NPHP4: variants seen among roughly 807,000 people sequenced by gnomAD.
NPHP4 encodes the protein nephrocystin 4.
A neutral mutation model predicts 155.8 loss-of-function variants in NPHP4; 151 were observed. The ratio of observed to expected loss-of-function variants is 0.97; its 90% CI spans 0.85 to 1.11. NPHP4 has a LOEUF of 1.11. Ranked by LOEUF, NPHP4 falls within the 50% of genes least tolerant of loss-of-function variation. NPHP4 has a pLI of 0.00. For synonymous variants in NPHP4, 845 were observed against 816.8 expected, an observed-to-expected ratio of 1.03 and a Z score of -0.59; for missense variants, 1,956 against 1,925.7, an observed-to-expected ratio of 1.02 and a Z score of -0.29.
At chr1:5,966,007 A>G (rs1048897936) in intron 5 of NPHP4, among the ~76,000 whole-genome samples, 7 of 152,164 alleles carry the variant, frequency 4.6e-5, no homozygotes, top group African/African-American at 1.7e-4. Flanking sequence ...AAGCAGGCTC[A>G]GCCCCCACTC....
At chr1:5,958,890 T>C (rs961464243) in intron 6 of NPHP4, among the ~76,000 whole-genome samples, 1 of 141,730 alleles carries the variant, frequency 7.1e-6, no homozygotes, top group South Asian at 2.3e-4. Flanking sequence ...GAGAAGAATC[T>C]GGCTGTCATT....
At chr1:5,923,570 G>A (rs1645853370) in intron 11 of NPHP4, among the ~76,000 whole-genome samples, 1 of 152,198 alleles carries the variant, frequency 6.6e-6, no homozygotes, top group Non-Finnish European at 1.5e-5. Context: ...ACAGGGAATA[G>A]GGCCTGGTCT....
intron 3 of NPHP4, among the ~76,000 whole-genome samples, chr1:5,972,794 G>T (rs1167799814): frequency 6.6e-6 from 1 of 151,954 alleles, no homozygotes; most frequent in Non-Finnish European, 1.5e-5. Flanking sequence ...TTGGTTACAT[G>T]AGGAAGCTCT....
At chr1:5,912,056 C>A (rs970166249) in intron 11 of NPHP4, among the ~76,000 whole-genome samples, 1 of 152,184 alleles carries the variant, frequency 6.6e-6, no homozygotes, top group Non-Finnish European at 1.5e-5. Context: ...GGTGAGCAGA[C>A]AGACGAGCAC....
At chr1:5,888,530 ACACTGCATACGAT>A (rs757223686) in intron 17 of NPHP4, 3 of 1,342,908 alleles carry the variant, frequency 2.2e-6, no homozygotes, top group Non-Finnish European at 2.0e-6. Context: ...ACACTCGTCT[ACACTGCATACGAT>A]CACTGCATAG....
chr1:5,958,320 T>C (rs1649626697), intron 6 of NPHP4, among the ~76,000 whole-genome samples: 1 of 152,154 alleles, frequency 6.6e-6, no homozygotes, highest in South Asian at 2.1e-4. Context: ...CCAAGGCAGG[T>C]GCATTCCTTG....
At chr1:5,971,678 G>C (rs1652596568) in intron 3 of NPHP4, among the ~76,000 whole-genome samples, 1 of 152,210 alleles carries the variant, frequency 6.6e-6, no homozygotes, top group African/African-American at 2.4e-5. Context: ...CACTCAGCCA[G>C]GCAGCACCCA....
At chr1:5,871,765 G>A (rs995021635) in intron 23 of NPHP4, among the ~76,000 whole-genome samples, 1 of 152,212 alleles carries the variant, frequency 6.6e-6, no homozygotes, top group African/African-American at 2.4e-5. Flanking sequence ...GAGCACCCCA[G>A]GACAGCGGGT....
chr1:5,947,283 C>T, intron 8 of NPHP4, 53 bp from the exon 9 acceptor site: 2 of 1,598,402 alleles, frequency 1.3e-6, no homozygotes, highest in South Asian at 1.1e-5. Flanking sequence ...TCCCATCCTT[C>T]CCGCATCCAC....
At chr1:5,868,245 CCT>C (rs1641478365) in intron 23 of NPHP4, 2 of 384,678 alleles carry the variant, frequency 5.2e-6, no homozygotes, top group Admixed American at 7.1e-5. Context: ...CTCCCGACAC[CCT>C]GTGTGCATGT....
rs1371293605 is a variant in NPHP4 at position 5,910,660 on chromosome 1, C to T, written c.1442-1447G>A. Among the ~76,000 whole-genome samples the T allele has an allele frequency of 2.6e-5, 4 of 152,200 alleles. No homozygotes were observed. The highest frequency in any genetic ancestry group is 7.2e-5 in the African/African-American group (3 of 41,436). On this transcript the variant is annotated intron_variant, in intron 11 of 29. Transcript: ENST00000378156. The surrounding 1 kb of genome is among the most constrained non-coding windows in gnomAD (Gnocchi z 5.4). ...GACTGCTCAGCCACTTCGTGTTCCG[C>T]TCTGAATCCCAAAAAAACAAAAACA...
chr1:5,969,758 C>T (rs560912898), intron 3 of NPHP4, among the ~76,000 whole-genome samples: 2 of 152,328 alleles, frequency 1.3e-5, no homozygotes, highest in South Asian at 2.1e-4. Context: ...CAGACAACTT[C>T]GATCACACCT....
chr1:5,889,728 G>A lies in NPHP4; in HGVS notation c.2304+1140C>T, dbSNP rs1249436250. 6.6e-6 allele frequency among the ~76,000 whole-genome samples: 1 copy of A among 152,244 alleles called. No individual in the cohort carries two copies. The highest frequency in any genetic ancestry group is 1.5e-5 in the Non-Finnish European group (1 of 68,044). ...TGGGGACATCAAAGCCAGCATGGGAGACGGACAAGCAAGGGCCACGATGAC... is the reference window on the plus strand; with the variant it reads ...TGGGGACATCAAAGCCAGCATGGGAAACGGACAAGCAAGGGCCACGATGAC... On this transcript the variant is annotated intron_variant, in intron 17 of 29. Transcript: ENST00000378156. The surrounding 1 kb of genome is among the most constrained non-coding windows in gnomAD (Gnocchi z 4.2).
rs770004315 is a variant in NPHP4 at position 5,887,352 on chromosome 1, G to T, written c.2419C>A (p.Arg807Ser). The change falls in exon 18 of 30, where the codon CGC (arginine) becomes AGC (serine). Residue 807 changes from arginine (R) to serine (S), a missense_variant. Arg to Ser is a moderately radical substitution (Grantham distance 110, BLOSUM62 -1). Transcript: ENST00000378156. ...GAGTGGACGCCGATGGGCTTGACGC[G>T]GCCAAACCCCAGCATGTCTCCACTC... The part of the protein sequence containing the change: ...VVSGDMLGFG[R>S]VKPIGVHSVV... 3.7e-6 allele frequency: 6 copies of T among 1,613,468 alleles called. No homozygotes were observed. In the Admixed American group the frequency reaches 1.0e-4, roughly 27 times the overall value.
At chr1:5,864,664 T>G in intron 27 of NPHP4, 147 bp from the exon 28 acceptor site, 1 of 659,572 alleles carries the variant, frequency 1.5e-6, no homozygotes, top group Non-Finnish European at 2.5e-6. Flanking sequence ...CAACCAACCC[T>G]GACATGACTG....
rs568286222 is a variant in NPHP4, at chr1:5,890,150, G to A, written c.2304+718C>T. ...GAATCCAGGAGGAAAGCAGCTATGC[G>A]GCACTCAAGAAAAGTGGGGAAATCT... On this transcript the variant is annotated intron_variant, in intron 17 of 29. Transcript: ENST00000378156. This position sits in a 1 kb window ranked among gnomAD's most constrained non-coding sequence, Gnocchi z 4.9. Among the ~76,000 whole-genome samples, 18 of 152,252 alleles carry A rather than the reference G, an allele frequency of 1.2e-4. No individual in the cohort carries two copies. The East Asian group carries it at 1.5e-3, about 13-fold the overall frequency.
intron 9 of NPHP4, among the ~76,000 whole-genome samples, chr1:5,946,121 T>C (rs372347319): frequency 6.6e-6 from 1 of 152,236 alleles, no homozygotes; most frequent in East Asian, 1.9e-4. Context: ...AAACCTAGTA[T>C]GTACCGTGTA....
rs1553196752 is a variant in NPHP4 at position 5,969,157 on chromosome 1, A to G, written c.382T>C (p.Cys128Arg). The G allele has an allele frequency of 6.4e-7, 1 of 1,556,988 alleles. No homozygotes were observed. The highest frequency in any genetic ancestry group is 8.7e-7 in the Non-Finnish European group (1 of 1,149,756). ...AAGATCCGAAGAATTCCAAACCCAC[A>G]GGACAATGTCTGGAGGCTCCCATCC... Reference protein sequence around the residue: ...KRDGSLQTLSCGFGILRIFSN... With the variant: ...KRDGSLQTLSRGFGILRIFSN... Residue 128 changes from cysteine to arginine, a missense_variant, in exon 4 of 30, where the codon TGT becomes CGT. By Grantham distance (180) the Cys-to-Arg change is radical. Transcript: ENST00000378156.
chr1:5,867,208 G>T lies in NPHP4; in HGVS notation c.3473-93C>A. Reference sequence around the variant, plus strand: ...CATTACACACTATAGGACAGGACAGGCTCGTCACAGGTGCTCAGCAAGACA... The same window carrying T: ...CATTACACACTATAGGACAGGACAGTCTCGTCACAGGTGCTCAGCAAGACA... On this transcript the variant is annotated intron_variant, in intron 24 of 29. Coordinates refer to ENST00000378156, the MANE Select transcript of NPHP4 (RefSeq NM_015102.5). This position sits in a 1 kb window ranked among gnomAD's most constrained non-coding sequence, Gnocchi z 4.1. The T allele has an allele frequency of 2.1e-6, 2 of 948,280 alleles. No individual in the cohort carries two copies. Among genetic ancestry groups the T allele is most frequent in the Non-Finnish European group, 3.2e-6 (2 of 618,254 alleles). 58.7% of individuals were successfully genotyped at this position (948,280 alleles called of 1,614,324 possible). A position where few individuals can be genotyped will look rare whatever the true frequency, so the allele number is the denominator to read the frequency against.
Sources: allele counts gnomAD v4.1 joint callset (sites outside exome capture counted in the v4.1 genomes callset), GRCh38; gene constraint gnomAD v4.1.1; non-coding constraint Gnocchi (gnomAD v3.1); transcripts MANE v1.5; gene names NCBI Gene and HGNC (gene_info 2026-07-23, HGNC 2026-07-21).